Variants in ATP6V1H observed in about 807,000 individuals in gnomAD.
ATP6V1H encodes ATPase H+ transporting V1 subunit H.
Under a neutral mutation model 71.7 loss-of-function variants are expected in ATP6V1H, and 39 were observed. The ratio of observed to expected loss-of-function variants is 0.54; its 90% CI spans 0.42 to 0.71. The LOEUF is 0.71. Among genes scored for constraint, ATP6V1H ranks in the 30% least tolerant of loss-of-function variants. The pLI is 0.00. For synonymous variants in ATP6V1H, 192 were observed against 199.3 expected (o/e 0.96, Z 0.31); for missense variants, 509 against 594.9 (o/e 0.86, Z 1.50).
chr8:53,754,412 C>T (rs1807918246), intron 12 of ATP6V1H, among the ~76,000 whole-genome samples: 1 of 152,124 alleles, frequency 6.6e-6, no homozygotes, highest in African/African-American at 2.4e-5. Flanking sequence ...TTCATGAAGG[C>T]TACTACCTAC....
chr8:53,770,983 T>C (rs1352566865), intron 10 of ATP6V1H, among the ~76,000 whole-genome samples: 1 of 152,184 alleles, frequency 6.6e-6, no homozygotes, highest in African/African-American at 2.4e-5. Flanking sequence ...AAACCACTGA[T>C]ACAGATAACA....
At chr8:53,815,897 A>G (rs1383727493) in intron 5 of ATP6V1H, among the ~76,000 whole-genome samples, 1 of 152,250 alleles carries the variant, frequency 6.6e-6, no homozygotes, top group Non-Finnish European at 1.5e-5. Context: ...AGATTGGCCA[A>G]AAGTAAATGA....
intron 9 of ATP6V1H, among the ~76,000 whole-genome samples, chr8:53,776,831 CAAA>C (rs1319668555): frequency 3.3e-5 from 5 of 151,546 alleles, no homozygotes; most frequent in African/African-American, 1.2e-4. Flanking sequence ...AATAAAAAAG[CAAA>C]AAAAGAAAGT....
At chr8:53,769,239 C>G (rs1461093554) in intron 11 of ATP6V1H, among the ~76,000 whole-genome samples, 1 of 152,072 alleles carries the variant, frequency 6.6e-6, no homozygotes, top group African/African-American at 2.4e-5. Context: ...ACTAGCCATA[C>G]AGGGAAAGAC....
At chr8:53,812,000 T>C (rs1810290431) in intron 6 of ATP6V1H, among the ~76,000 whole-genome samples, 1 of 152,064 alleles carries the variant, frequency 6.6e-6, no homozygotes, top group Admixed American at 6.5e-5. Flanking sequence ...GAAAAACACT[T>C]GTGACAGAGA....
intron 8 of ATP6V1H, among the ~76,000 whole-genome samples, chr8:53,800,637 T>C (rs1487204255): frequency 2.6e-5 from 4 of 152,224 alleles, no homozygotes; most frequent in Non-Finnish European, 5.9e-5. Flanking sequence ...CCACTGAACA[T>C]GAAAGACTTC....
intron 4 of ATP6V1H, among the ~76,000 whole-genome samples, chr8:53,821,530 A>G (rs1810657661): frequency 6.6e-6 from 1 of 151,322 alleles, no homozygotes; most frequent in Non-Finnish European, 1.5e-5. Flanking sequence ...AAAATACGAA[A>G]ATTAGCTGGG....
At chr8:53,804,126 A>C (rs1810002740) in intron 7 of ATP6V1H, among the ~76,000 whole-genome samples, 1 of 152,248 alleles carries the variant, frequency 6.6e-6, no homozygotes, top group South Asian at 2.1e-4. Context: ...CCTATTGCAC[A>C]CTATCAGGCA....
At chr8:53,832,798 T>G (rs964848192) in intron 3 of ATP6V1H, 186 bp downstream of exon 3, 4 of 407,420 alleles carry the variant, frequency 9.8e-6, no homozygotes, top group African/African-American at 8.3e-5. Context: ...TTTCCAGAAA[T>G]TTGTCTTCCA....
intron 4 of ATP6V1H, among the ~76,000 whole-genome samples, chr8:53,823,600 C>T (rs1297871802): frequency 2.0e-5 from 3 of 152,202 alleles, no homozygotes; most frequent in Non-Finnish European, 2.9e-5. Context: ...GCCTCAGCCT[C>T]CCAGTAGCTG....
At chr8:53,734,933 G>A (rs9643480) in intron 13 of ATP6V1H, among the ~76,000 whole-genome samples, 14,212 of 152,196 alleles carry the variant, frequency 0.093, 1,021 homozygotes, top group East Asian at 0.37. Context: ...CCACAACTGC[G>A]AGGAGCCACA....
At chr8:53,780,586 A>C (rs1333465211) in intron 9 of ATP6V1H, among the ~76,000 whole-genome samples, 1 of 151,992 alleles carries the variant, frequency 6.6e-6, no homozygotes, top group Non-Finnish European at 1.5e-5. Flanking sequence ...ACATGTGCAC[A>C]ACGTGCAGGT....
At chr8:53,831,053 T>C (rs531177340) in intron 3 of ATP6V1H, among the ~76,000 whole-genome samples, 3 of 152,262 alleles carry the variant, frequency 2.0e-5, no homozygotes, top group African/African-American at 4.8e-5. Context: ...TGAGGAAATA[T>C]GGCATGCACA....
At chr8:53,750,191 GGC>G (rs1807744357) in intron 12 of ATP6V1H, among the ~76,000 whole-genome samples, 1 of 151,930 alleles carries the variant, frequency 6.6e-6, no homozygotes, top group African/African-American at 2.4e-5. Flanking sequence ...GCAACTGGGG[GGC>G]AATTAACTGT....
intron 6 of ATP6V1H, among the ~76,000 whole-genome samples, chr8:53,812,402 C>G (rs1810306498): frequency 6.6e-6 from 1 of 152,216 alleles, no homozygotes; most frequent in East Asian, 1.9e-4. Flanking sequence ...GAAAACTATT[C>G]TAGACATTGA....
chr8:53,779,212 C>G (rs563597322), intron 9 of ATP6V1H, among the ~76,000 whole-genome samples: 1 of 152,036 alleles, frequency 6.6e-6, no homozygotes, highest in African/African-American at 2.4e-5. Context: ...ACACAGAACA[C>G]AACTCCACTG....
chr8:53,765,362 T>G (rs1258781549), intron 11 of ATP6V1H, among the ~76,000 whole-genome samples: 1 of 145,502 alleles, frequency 6.9e-6, no homozygotes, highest in Non-Finnish European at 1.5e-5. Context: ...ATTGCGCTAT[T>G]GCACTCCAGC....
At position 53,741,890 on chromosome 8, in the gene ATP6V1H, G is replaced by A. The variant is rs549485360; in HGVS notation, c.1391+1687C>T. Among the ~76,000 whole-genome samples the A allele has an allele frequency of 4.6e-5, 7 of 152,212 alleles. No homozygotes were observed. The South Asian group carries it at 1.5e-3, about 32-fold the overall frequency. On this transcript the variant is annotated intron_variant, in intron 13 of 13. Coordinates refer to ENST00000359530, the MANE Select transcript of ATP6V1H (RefSeq NM_015941.4). ...TCTTATCTCAATGTTTATCATCTAG[G>A]CCAAGCCACCAACTACCTCAGCCCC...
chr8:53,718,571 G>A (rs1037798150), intron 13 of ATP6V1H, among the ~76,000 whole-genome samples: 3 of 151,864 alleles, frequency 2.0e-5, no homozygotes, highest in East Asian at 1.9e-4. Context: ...TGTATATTTT[G>A]TACAGACAGG....
Sources: allele counts gnomAD v4.1 joint callset (sites outside exome capture counted in the v4.1 genomes callset), GRCh38; gene constraint gnomAD v4.1.1; transcripts MANE v1.5; gene names NCBI Gene and HGNC (gene_info 2026-07-23, HGNC 2026-07-21).